The following SLC24A2 variants were observed in gnomAD, a reference collection of about 807,000 sequenced individuals.
The protein encoded by SLC24A2 is solute carrier family 24 member 2.
A neutral mutation model predicts 62.0 loss-of-function variants in SLC24A2; 36 were observed. The observed-to-expected ratio is 0.58, with a 90% CI of 0.44 to 0.77. SLC24A2 has a LOEUF of 0.77. SLC24A2 is among the 30% of genes least tolerant of loss of function. SLC24A2 has a pLI of 0.00. For synonymous variants in SLC24A2, 358 were observed against 294.0 expected (o/e 1.22, Z -2.23); for missense variants, 846 against 817.9 (o/e 1.03, Z -0.42).
chr9:19,606,060 C>A (rs1587024965), intron 4 of SLC24A2, among the ~76,000 whole-genome samples: 1 of 152,184 alleles, frequency 6.6e-6, no homozygotes, highest in East Asian at 1.9e-4. Context: ...CACCTTTGAA[C>A]TCCTAGAATC....
At chr9:19,778,100 G>A (rs1403922660) in intron 2 of SLC24A2, among the ~76,000 whole-genome samples, 1 of 152,178 alleles carries the variant, frequency 6.6e-6, no homozygotes, top group Non-Finnish European at 1.5e-5. Flanking sequence ...GTCACTTGTT[G>A]TATGCATTAT....
intron 2 of SLC24A2, among the ~76,000 whole-genome samples, chr9:19,698,180 G>C (rs943754026): frequency 2.0e-5 from 3 of 152,074 alleles, no homozygotes; most frequent in African/African-American, 7.2e-5. Flanking sequence ...AAAACGTTTT[G>C]AGCACGGACA....
chr9:19,654,719 C>T (rs1190909641), intron 2 of SLC24A2, among the ~76,000 whole-genome samples: 1 of 152,000 alleles, frequency 6.6e-6, no homozygotes, highest in Non-Finnish European at 1.5e-5. Context: ...TGAACCTGCC[C>T]CCGGTGTCTC....
chr9:19,930,386 A>T, the SLC24A2 span, among the ~76,000 whole-genome samples: 6 of 152,198 alleles, frequency 3.9e-5, no homozygotes, highest in African/African-American at 9.7e-5. Flanking sequence ...TGGTGTACAG[A>T]TCTGTAGCCT....
the SLC24A2 span, among the ~76,000 whole-genome samples, chr9:19,938,607 T>G: frequency 2.0e-5 from 3 of 152,214 alleles, no homozygotes; most frequent in Admixed American, 2.0e-4. Flanking sequence ...CCTAGACCTA[T>G]AAGTCTCCAG....
chr9:20,118,631 A>T, the SLC24A2 span, among the ~76,000 whole-genome samples: 1 of 152,096 alleles, frequency 6.6e-6, no homozygotes, highest in African/African-American at 2.4e-5. Context: ...TTTATTTCTG[A>T]AAAATCAGTT....
chr9:19,871,997 G>A, the SLC24A2 span, among the ~76,000 whole-genome samples: 1 of 151,952 alleles, frequency 6.6e-6, no homozygotes, highest in Non-Finnish European at 1.5e-5. Context: ...TCCTGTGGTT[G>A]TTATATATCA....
chr9:20,034,848 A>C, the SLC24A2 span, among the ~76,000 whole-genome samples: 1 of 152,218 alleles, frequency 6.6e-6, no homozygotes, highest in Non-Finnish European at 1.5e-5. Flanking sequence ...TGAATGTTCA[A>C]TAGGAAAAAA....
the SLC24A2 span, among the ~76,000 whole-genome samples, chr9:19,854,468 A>G: frequency 4.6e-5 from 7 of 152,124 alleles, no homozygotes; most frequent in African/African-American, 1.7e-4. Flanking sequence ...TGCTTTAGCT[A>G]TGTCTCAGAG....
In SLC24A2 at chr9:19,707,586, A is replaced by AAG. The variant is rs1820571490; in HGVS notation, c.930+78349_930+78350dup. On this transcript the variant is annotated intron_variant, in intron 2 of 10. Transcript: ENST00000341998. ...CAAGTGGGCTTCATCCCTGGGATGCAAGACTGGTTCAACATACGAAAATCA... is the reference window on the plus strand; with the variant it reads ...CAAGTGGGCTTCATCCCTGGGATGCAAGAGACTGGTTCAACATACGAAAATCA... 1.3e-4 allele frequency among the ~76,000 whole-genome samples: 20 copies of AAG among 152,364 alleles called. No homozygotes were observed. The South Asian group carries it at 4.1e-3, about 32-fold the overall frequency.
the SLC24A2 span, among the ~76,000 whole-genome samples, chr9:20,215,813 G>T: frequency 2.6e-5 from 4 of 151,662 alleles, no homozygotes; most frequent in Non-Finnish European, 3.0e-5. Flanking sequence ...ATTACTCCTG[G>T]CTCCAGCCAC....
At chr9:19,713,253 T>C (rs1435836371) in intron 2 of SLC24A2, among the ~76,000 whole-genome samples, 1 of 152,088 alleles carries the variant, frequency 6.6e-6, no homozygotes, top group Non-Finnish European at 1.5e-5. Flanking sequence ...CCTGCGCCAT[T>C]TGTAAAGTCA....
chr9:19,994,907 G>A, the SLC24A2 span, among the ~76,000 whole-genome samples: 1 of 152,164 alleles, frequency 6.6e-6, no homozygotes, highest in Non-Finnish European at 1.5e-5. Flanking sequence ...GGTGGGATTT[G>A]AGAAGTCTGT....
chr9:19,857,032 A>G, the SLC24A2 span, among the ~76,000 whole-genome samples: 19 of 152,254 alleles, frequency 1.2e-4, no homozygotes, highest in African/African-American at 4.1e-4. Flanking sequence ...ATTGTTAAAC[A>G]TGGATTTATT....
At chr9:19,851,002 C>CAT in the SLC24A2 span, among the ~76,000 whole-genome samples, 3 of 28,618 alleles carry the variant, frequency 1.0e-4, no homozygotes, top group African/African-American at 3.8e-4. Flanking sequence ...TATATATATA[C>CAT]ACATACATAT....
intron 2 of SLC24A2, among the ~76,000 whole-genome samples, chr9:19,623,782 G>T (rs2117926360): frequency 6.6e-6 from 1 of 152,194 alleles, no homozygotes; most frequent in South Asian, 2.1e-4. Context: ...ATACCAATGT[G>T]TTTTTTTCCC....
the SLC24A2 span, among the ~76,000 whole-genome samples, chr9:20,019,327 T>C: frequency 1.4e-5 from 2 of 140,420 alleles, no homozygotes; most frequent in Admixed American, 6.9e-5. Context: ...GAGTGACTTG[T>C]TCAAGTTCAT....
the SLC24A2 span, among the ~76,000 whole-genome samples, chr9:20,116,262 C>T: frequency 6.6e-6 from 1 of 152,136 alleles, no homozygotes; most frequent in Non-Finnish European, 1.5e-5. Flanking sequence ...ACCTTTGACA[C>T]TTCACTTATT....
the SLC24A2 span, among the ~76,000 whole-genome samples, chr9:20,215,621 C>G: frequency 7.2e-5 from 11 of 152,288 alleles, no homozygotes; most frequent in African/African-American, 2.4e-4. Context: ...CCAATGTTAT[C>G]GCCTTTGCCA....
Sources: gnomAD v4.1 joint callset for allele counts (sites outside exome capture counted in the v4.1 genomes callset) on GRCh38, gnomAD v4.1.1 for gene constraint, MANE v1.5 for transcripts, NCBI Gene and HGNC (gene_info 2026-07-23, HGNC 2026-07-21) for gene names.